Variants in WNK1 observed in about 807,000 individuals in gnomAD.
The protein encoded by WNK1 is WNK lysine deficient protein kinase 1.
A neutral mutation model predicts 222.8 loss-of-function variants in WNK1; 38 were observed. The ratio of observed to expected loss-of-function variants is 0.17; its 90% CI spans 0.13 to 0.22. The LOEUF is 0.22. Ranked by LOEUF, WNK1 falls within the 10% of genes least tolerant of loss-of-function variation. The pLI is 1.00. For synonymous variants in WNK1, 1,090 were observed against 1,092.9 expected (o/e 1.00, Z 0.05); for missense variants, 2,348 against 2,918.4 (o/e 0.80, Z 4.50).
At position 894,371 on chromosome 12, in the gene WNK1, G is replaced by A. The variant is rs79555599; in HGVS notation, c.5510-191G>A. Among the ~76,000 whole-genome samples, 1,329 of 152,258 alleles carry A rather than the reference G, an allele frequency of 8.7e-3. 27 individuals carry two copies. Among genetic ancestry groups the A allele is most frequent in the African/African-American group, 0.03 (1,256 of 41,550 alleles). ...ATGTTAATGTTGTAGTTGGTATCTAGTAGTAGAGCAAACAATAACTCTTTT... is the reference window on the plus strand; with the variant it reads ...ATGTTAATGTTGTAGTTGGTATCTAATAGTAGAGCAAACAATAACTCTTTT... On this transcript the variant is annotated intron_variant, in intron 22 of 27. Transcript: ENST00000315939.
intron 1 of WNK1, among the ~76,000 whole-genome samples, chr12:775,546 C>CA (rs113725372): frequency 4.0e-5 from 6 of 150,706 alleles, no homozygotes; most frequent in Admixed American, 1.3e-4. Flanking sequence ...CTCATCTCTG[C>CA]AAAAAAAAAT....
chr12:795,929 C>G (rs1003133193), intron 1 of WNK1, among the ~76,000 whole-genome samples: 6 of 152,124 alleles, frequency 3.9e-5, no homozygotes, highest in African/African-American at 1.4e-4. Context: ...CTCTGTCACC[C>G]AGGCCAGAGT....
At chr12:777,914 C>T (rs189781854) in intron 1 of WNK1, among the ~76,000 whole-genome samples, 5 of 152,230 alleles carry the variant, frequency 3.3e-5, no homozygotes, top group East Asian at 3.9e-4. Context: ...AAGCTTCATG[C>T]GGTAAATGTG....
At position 886,035 on chromosome 12, in the gene WNK1, G is replaced by T. The variant is rs1324815566; in HGVS notation, c.5231G>T (p.Gly1744Val). Residue 1744 changes from glycine to valine, a missense_variant, in exon 19 of 28, where the codon GGA becomes GTA. Physicochemically the swap from Gly to Val is moderately radical, Grantham distance 109. Around this residue, in one of 13 missense-constraint regions of WNK1, gnomAD observed 1,144 missense variants for 1,273.6 expected, o/e 0.90. Coordinates refer to ENST00000315939, the MANE Select transcript of WNK1 (RefSeq NM_018979.4). ...VSTPVSTTTS[G>V]VKPGTAPSKP... ...ACCCCAGTCAGCACTACTACATCAG[G>T]AGTGAAACCTGGAACTGCTCCCTCC... is the stretch of plus-strand genomic sequence containing the variant. 1.2e-6 allele frequency: 2 copies of T among 1,600,974 alleles called. No individual in the cohort carries two copies. The highest frequency in any genetic ancestry group is 1.7e-6 in the Non-Finnish European group (2 of 1,176,028).
chr12:769,200 TC>T (rs1480539862), intron 1 of WNK1, among the ~76,000 whole-genome samples: 19 of 151,372 alleles, frequency 1.3e-4, no homozygotes, highest in Non-Finnish European at 8.9e-5. Context: ...GAAGCTACCT[TC>T]CGTTTCCTTT....
At chr12:797,897 C>G (rs1014945173) in intron 1 of WNK1, among the ~76,000 whole-genome samples, 1 of 148,752 alleles carries the variant, frequency 6.7e-6, no homozygotes, top group Non-Finnish European at 1.5e-5. Flanking sequence ...TGCAGTGAGC[C>G]GAGATCGCAC....
chr12:837,312 G>A (rs188021362), intron 4 of WNK1, among the ~76,000 whole-genome samples: 122 of 152,280 alleles, frequency 8.0e-4, no homozygotes, highest in Admixed American at 1.5e-3. Context: ...AGTGGCTCAC[G>A]CCTGTAATTC....
intron 1 of WNK1, among the ~76,000 whole-genome samples, chr12:773,936 A>G (rs1337254061): frequency 2.0e-5 from 3 of 152,222 alleles, no homozygotes; most frequent in Non-Finnish European, 2.9e-5. Flanking sequence ...TTACTCCACA[A>G]GGTTGTAACC....
At chr12:887,012 T>C (rs1331487728) in intron 19 of WNK1, among the ~76,000 whole-genome samples, 2 of 152,238 alleles carry the variant, frequency 1.3e-5, no homozygotes, top group Non-Finnish European at 2.9e-5. Flanking sequence ...ATTTTATAGG[T>C]ATATCGTAGT....
At position 884,246 on chromosome 12, in the gene WNK1, A is replaced by G. The variant is rs376201195; in HGVS notation, c.3844+3A>G. The G allele has an allele frequency of 1.2e-6, 2 of 1,614,044 alleles. No individual in the cohort carries two copies. The highest frequency in any genetic ancestry group is 1.3e-5 in the African/African-American group (1 of 75,048). ...CCCCAGTGAAATAACAGATACAGGT[A>G]AGGGATTGATTCTGCCACATTGTTA... On this transcript the variant is annotated splice_donor_region_variant and intron_variant, in intron 18 of 27. Transcript: ENST00000315939. This position sits in a 1 kb window ranked among gnomAD's most constrained non-coding sequence, Gnocchi z 5.6.
intron 22 of WNK1, among the ~76,000 whole-genome samples, chr12:893,838 T>TAATAATAATAAC (rs1412409738): frequency 2.0e-5 from 3 of 149,574 alleles, no homozygotes; most frequent in Non-Finnish European, 3.0e-5. Flanking sequence ...ATAATAATAA[T>TAATAATAATAAC]AATAATAATT....
At chr12:787,349 T>C (rs1236092977) in intron 1 of WNK1, among the ~76,000 whole-genome samples, 1 of 152,146 alleles carries the variant, frequency 6.6e-6, no homozygotes, top group African/African-American at 2.4e-5. Flanking sequence ...AACTCTGGGC[T>C]CAAGTGATCC....
At chr12:862,753 C>T (rs1241778242) in intron 8 of WNK1, among the ~76,000 whole-genome samples, 2 of 152,164 alleles carry the variant, frequency 1.3e-5, no homozygotes, top group East Asian at 1.9e-4. Flanking sequence ...TTTAATTTAG[C>T]GCTTGTGTTG....
At chr12:760,760 G>T (rs1015123787) in intron 1 of WNK1, among the ~76,000 whole-genome samples, 5 of 141,032 alleles carry the variant, frequency 3.5e-5, no homozygotes, top group Admixed American at 2.1e-4. Flanking sequence ...TTTATATGTA[G>T]TTTTTTTTTT....
intron 1 of WNK1, among the ~76,000 whole-genome samples, chr12:808,351 G>A (rs982194234): frequency 7.2e-5 from 11 of 151,898 alleles, no homozygotes; most frequent in Non-Finnish European, 1.6e-4. Flanking sequence ...CAAGCTCCTG[G>A]CCTCAAGCAG....
chr12:854,338 C>G lies in WNK1; in HGVS notation c.1312-2823C>G, dbSNP rs530004584. Among the ~76,000 whole-genome samples the G allele has an allele frequency of 3.5e-5, 5 of 143,618 alleles. No homozygotes were observed. The East Asian group carries it at 1.1e-3, about 32-fold the overall frequency. The allele number at this position is 143,618 out of a possible 152,430, so 94.2% of individuals were successfully genotyped here. ...CTGCACTCCAGCCTGGGCAACAGAG[C>G]AAGAACTTATCATTATCTTTTTTTT... On this transcript the variant is annotated intron_variant, in intron 4 of 27. Coordinates refer to ENST00000315939, the MANE Select transcript of WNK1 (RefSeq NM_018979.4).
At chr12:895,551 C>T (rs993417492) in intron 23 of WNK1, among the ~76,000 whole-genome samples, 10 of 152,224 alleles carry the variant, frequency 6.6e-5, no homozygotes, top group East Asian at 1.9e-4. Context: ...CTCTGCCTCC[C>T]GGGTTTAAGT....
intron 1 of WNK1, among the ~76,000 whole-genome samples, chr12:800,342 G>C (rs1169864402): frequency 2.0e-5 from 3 of 151,934 alleles, no homozygotes; most frequent in Non-Finnish European, 4.4e-5. Flanking sequence ...ATTTGGCAGT[G>C]AGTTTATAAT....
chr12:831,646 A>G (rs1948803043), intron 4 of WNK1, among the ~76,000 whole-genome samples: 1 of 152,166 alleles, frequency 6.6e-6, no homozygotes, highest in African/African-American at 2.4e-5. Flanking sequence ...GTTTTGGAAA[A>G]TACTGACTTT....
Sources: gnomAD v4.1 joint callset for allele counts (sites outside exome capture counted in the v4.1 genomes callset) on GRCh38, gnomAD v4.1.1 for gene constraint, gnomAD v4.1.1 regional missense constraint, Gnocchi (gnomAD v3.1) non-coding constraint, MANE v1.5 for transcripts, NCBI Gene and HGNC (gene_info 2026-07-23, HGNC 2026-07-21) for gene names.